TRERF1: variants seen among roughly 807,000 people sequenced by gnomAD.
TRERF1 encodes the protein transcriptional regulating factor 1, also known as transcriptional-regulating factor 1.
A neutral mutation model predicts 122.9 loss-of-function variants in TRERF1; 27 were observed. The observed-to-expected ratio is 0.22, with a 90% CI of 0.16 to 0.30. The LOEUF (loss-of-function observed/expected upper bound fraction) is 0.30. Among genes scored for constraint, TRERF1 ranks in the 10% least tolerant of loss-of-function variants. TRERF1 has a pLI of 1.00. For missense variants in TRERF1, 1,248 were observed against 1,560.3 expected, an observed-to-expected ratio of 0.80 and a Z score of 3.37; for synonymous variants, 636 against 641.7, an observed-to-expected ratio of 0.99 and a Z score of 0.13.
intron 3 of TRERF1, among the ~76,000 whole-genome samples, chr6:42,358,133 C>CCATA (rs1770955540): frequency 6.6e-6 from 1 of 152,110 alleles, no homozygotes; most frequent in African/African-American, 2.4e-5. Context: ...CAGAGGCATA[C>CCATA]CATACAACTG....
At chr6:42,448,128 A>C (rs1787863739) in intron 2 of TRERF1, among the ~76,000 whole-genome samples, 1 of 152,228 alleles carries the variant, frequency 6.6e-6, no homozygotes, top group Non-Finnish European at 1.5e-5. Flanking sequence ...CATTATTATG[A>C]ACCTTATCAC....
intron 4 of TRERF1, among the ~76,000 whole-genome samples, chr6:42,296,684 A>G (rs1785165667): frequency 6.6e-6 from 1 of 152,192 alleles, no homozygotes; most frequent in Non-Finnish European, 1.5e-5. Context: ...CGCCACCATG[A>G]AAAAGAAAAA....
At chr6:42,305,396 T>C (rs1787021204) in intron 3 of TRERF1, among the ~76,000 whole-genome samples, 3 of 152,114 alleles carry the variant, frequency 2.0e-5, no homozygotes, top group Admixed American at 2.0e-4. Context: ...TTCCCTTCTA[T>C]ACAATGGGGG....
intron 4 of TRERF1, among the ~76,000 whole-genome samples, chr6:42,280,879 C>T (rs1347097026): frequency 2.0e-5 from 3 of 152,118 alleles, no homozygotes; most frequent in Admixed American, 6.5e-5. Context: ...CAGCATGCCA[C>T]GATGAAGAAA....
At chr6:42,439,801 G>A (rs1023350281) in intron 2 of TRERF1, among the ~76,000 whole-genome samples, 1 of 152,192 alleles carries the variant, frequency 6.6e-6, no homozygotes, top group Non-Finnish European at 1.5e-5. Context: ...TTACATTTTT[G>A]TTATAGTAGC....
At chr6:42,248,318 C>T (rs1170680559) in intron 13 of TRERF1, among the ~76,000 whole-genome samples, 2 of 152,090 alleles carry the variant, frequency 1.3e-5, no homozygotes, top group African/African-American at 2.4e-5. Flanking sequence ...AAAAGCAGGG[C>T]CACCACCCAA....
At chr6:42,273,739 G>A (rs1032389233) in intron 4 of TRERF1, among the ~76,000 whole-genome samples, 4 of 152,220 alleles carry the variant, frequency 2.6e-5, no homozygotes, top group Non-Finnish European at 5.9e-5. Context: ...TGGGCATTAG[G>A]CCTGGCTATT....
intron 3 of TRERF1, among the ~76,000 whole-genome samples, chr6:42,305,958 G>A (rs938748149): frequency 1.3e-5 from 2 of 149,870 alleles, no homozygotes; most frequent in Non-Finnish European, 3.0e-5. Context: ...CTTTTCAGAC[G>A]TGAGGAAAAC....
At chr6:42,285,464 T>C (rs1783035229) in intron 4 of TRERF1, among the ~76,000 whole-genome samples, 1 of 152,126 alleles carries the variant, frequency 6.6e-6, no homozygotes, top group African/African-American at 2.4e-5. Context: ...CCTAATTGAA[T>C]ACTCTTTATT....
chr6:42,247,910 G>A (rs911219911), intron 13 of TRERF1, among the ~76,000 whole-genome samples: 1 of 151,930 alleles, frequency 6.6e-6, no homozygotes, highest in Non-Finnish European at 1.5e-5. Flanking sequence ...TCATTAGTGG[G>A]GTACACTAGT....
At chr6:42,246,668 C>T in intron 13 of TRERF1, 124 bp from the exon 14 acceptor site, 1 of 596,604 alleles carries the variant, frequency 1.7e-6, no homozygotes, top group Non-Finnish European at 2.8e-6. Context: ...ATCAAACTCC[C>T]ATTTGAACAA....
intron 2 of TRERF1, among the ~76,000 whole-genome samples, chr6:42,409,425 A>AT (rs1435874253): frequency 3.9e-5 from 6 of 152,044 alleles, no homozygotes; most frequent in Non-Finnish European, 5.9e-5. Flanking sequence ...CTCCTAAAAG[A>AT]TTTTCAAAAC....
At chr6:42,253,457 A>G (rs1337340010) in intron 13 of TRERF1, among the ~76,000 whole-genome samples, 3 of 152,212 alleles carry the variant, frequency 2.0e-5, no homozygotes. Flanking sequence ...ATGATGCTGG[A>G]AATTAAGAGA....
intron 2 of TRERF1, among the ~76,000 whole-genome samples, chr6:42,414,574 C>T (rs1304456345): frequency 1.3e-5 from 2 of 152,202 alleles, no homozygotes; most frequent in Non-Finnish European, 2.9e-5. Flanking sequence ...CTTTTAACTA[C>T]TCTTGCAGTG....
At chr6:42,344,546 C>A in intron 3 of TRERF1, among the ~76,000 whole-genome samples, 1 of 152,118 alleles carries the variant, frequency 6.6e-6, no homozygotes, top group South Asian at 2.1e-4. Context: ...TTACTGTTAA[C>A]AACTAACACA....
At chr6:42,251,275 C>A (rs768789493) in intron 13 of TRERF1, among the ~76,000 whole-genome samples, 1 of 152,166 alleles carries the variant, frequency 6.6e-6, no homozygotes, top group African/African-American at 2.4e-5. Flanking sequence ...GGATTACAGG[C>A]ATGAGCCACC....
chr6:42,262,441 AGAGAGAGAGAGAGAGAGAGAGAGAG>A (rs1778198505), intron 8 of TRERF1, among the ~76,000 whole-genome samples: 2 of 29,482 alleles, frequency 6.8e-5, no homozygotes, highest in African/African-American at 1.6e-4. Context: ...GGGCAGAGAG[AGAGAGAGAGAGAGAGAGAGAGAGAG>A]GAGAGAGAGA....
chr6:42,264,799 A>T, exon 7 of TRERF1: 1 of 1,614,204 alleles, frequency 6.2e-7, no homozygotes, highest in Non-Finnish European at 8.5e-7. Context: ...CAGATGGAGC[A>T]TGTCAGCTTG....
intron 2 of TRERF1, among the ~76,000 whole-genome samples, chr6:42,386,163 A>G (rs7741446): frequency 0.092 from 13,962 of 152,258 alleles, 964 homozygotes; most frequent in African/African-American, 0.19. Context: ...TGAGGCCGAC[A>G]TGGTGAAACC....
Sources: allele counts gnomAD v4.1 joint callset (sites outside exome capture counted in the v4.1 genomes callset), GRCh38; gene constraint gnomAD v4.1.1; transcripts MANE v1.5; gene names NCBI Gene and HGNC (gene_info 2026-07-23, HGNC 2026-07-21).